BLTP1: variants seen among roughly 807,000 people sequenced by gnomAD.
BLTP1 encodes bridge-like lipid transfer protein family member 1.
the BLTP1 span, chr4:122,238,216 A>G: frequency 1.2e-6 from 2 of 1,613,496 alleles, no homozygotes; most frequent in Non-Finnish European, 1.7e-6. Context: ...CCTCTTCCTC[A>G]GAAGAGAACA....
At chr4:122,280,454 G>A in the BLTP1 span, among the ~76,000 whole-genome samples, 9 of 152,056 alleles carry the variant, frequency 5.9e-5, no homozygotes, top group East Asian at 1.7e-3. Context: ...TATGTCTGTA[G>A]CCTTTGTTCA....
At chr4:122,353,253 G>T in the BLTP1 span, 2 of 1,517,516 alleles carry the variant, frequency 1.3e-6, no homozygotes, top group Non-Finnish European at 1.8e-6. The surrounding 1 kb of genome is among the most constrained non-coding windows in gnomAD (Gnocchi z 4.3). Flanking sequence ...TTGTTATCAT[G>T]TATCTGACAT....
chr4:122,253,317 ACCAGAGACTAATC>A, the BLTP1 span, among the ~76,000 whole-genome samples: 1 of 152,062 alleles, frequency 6.6e-6, no homozygotes, highest in Non-Finnish European at 1.5e-5. Context: ...TAAATAAGGC[ACCAGAGACTAATC>A]CCAGAGAAGC....
At chr4:122,306,027 C>G in the BLTP1 span, 6 of 1,605,420 alleles carry the variant, frequency 3.7e-6, no homozygotes, top group Non-Finnish European at 5.1e-6. Flanking sequence ...TTATGCACAG[C>G]CTGTGGCCTT....
At chr4:122,269,671 A>T in the BLTP1 span, 1 of 985,162 alleles carries the variant, frequency 1.0e-6, no homozygotes, top group Non-Finnish European at 1.2e-6. Context: ...TGATTGTTGT[A>T]TATTAGTTTG....
the BLTP1 span, among the ~76,000 whole-genome samples, chr4:122,319,459 C>G: frequency 2.6e-5 from 4 of 150,984 alleles, no homozygotes; most frequent in Non-Finnish European, 5.9e-5. Flanking sequence ...TTTTCTTCAA[C>G]TCATGTTCAG....
the BLTP1 span, among the ~76,000 whole-genome samples, chr4:122,294,550 A>G: frequency 6.6e-6 from 1 of 152,220 alleles, no homozygotes; most frequent in Non-Finnish European, 1.5e-5. Context: ...CTGTAAAAAG[A>G]AAAATAAACA....
chr4:122,153,878 T>G, the BLTP1 span: 1 of 487,146 alleles, frequency 2.1e-6, no homozygotes, highest in Non-Finnish European at 2.7e-6. Flanking sequence ...GTTTGGAAAC[T>G]TTAAACAAGG....
the BLTP1 span, chr4:122,351,316 A>G: frequency 1.5e-6 from 1 of 648,498 alleles, no homozygotes; most frequent in Non-Finnish European, 1.9e-6. Flanking sequence ...CACTGTGAAC[A>G]CCTTAGAGCA....
chr4:122,322,728 T>G, the BLTP1 span, among the ~76,000 whole-genome samples: 6 of 152,082 alleles, frequency 3.9e-5, no homozygotes, highest in African/African-American at 7.2e-5. Flanking sequence ...TGTTTGTCAG[T>G]TTTTTCCTCC....
the BLTP1 span, chr4:122,308,288 T>C: frequency 1.0e-6 from 1 of 996,520 alleles, no homozygotes. Context: ...AGGTAGCAAG[T>C]AAGATTGAAT....
At chr4:122,278,213 A>G in the BLTP1 span, among the ~76,000 whole-genome samples, 3 of 152,194 alleles carry the variant, frequency 2.0e-5, no homozygotes, top group African/African-American at 7.2e-5. Context: ...AAGGTCCATC[A>G]AGTTCAAGAC....
At chr4:122,344,078 T>C in the BLTP1 span, 4 of 693,406 alleles carry the variant, frequency 5.8e-6, no homozygotes, top group South Asian at 2.6e-4. Flanking sequence ...AAAAGCTTCT[T>C]ATTAGTAACT....
chr4:122,339,101 T>A, the BLTP1 span: 1 of 1,306,296 alleles, frequency 7.7e-7, no homozygotes, highest in African/African-American at 1.5e-5. Context: ...TCTTTCTGTT[T>A]AAAAAAAATG....
the BLTP1 span, chr4:122,219,243 G>A: frequency 6.6e-7 from 1 of 1,508,258 alleles, no homozygotes; most frequent in Non-Finnish European, 8.9e-7. Context: ...AATATAATAG[G>A]TTAAGGAAAT....
the BLTP1 span, chr4:122,239,676 A>C: frequency 1.2e-6 from 2 of 1,614,026 alleles, no homozygotes. Context: ...CTATGGGGAC[A>C]AGCAGCCTGT....
At chr4:122,237,666 A>AT in the BLTP1 span, 1 of 746,946 alleles carries the variant, frequency 1.3e-6, no homozygotes, top group Non-Finnish European at 1.6e-6. Flanking sequence ...ATGTAGATAT[A>AT]TTTCTAAAAC....
chr4:122,245,078 G>A, the BLTP1 span: 8 of 1,612,090 alleles, frequency 5.0e-6, no homozygotes, highest in Non-Finnish European at 5.1e-6. Flanking sequence ...AATTGTAGAT[G>A]ATCTTCATGC....
the BLTP1 span, among the ~76,000 whole-genome samples, chr4:122,278,895 G>A: frequency 1.3e-5 from 2 of 152,212 alleles, no homozygotes; most frequent in Admixed American, 1.3e-4. Context: ...CTTTCAAAGT[G>A]TTGGGATTAC....
Sources: gnomAD v4.1 joint callset for allele counts (sites outside exome capture counted in the v4.1 genomes callset) on GRCh38, gnomAD v4.1.1 for gene constraint, Gnocchi (gnomAD v3.1) non-coding constraint, MANE v1.5 for transcripts, NCBI Gene and HGNC (gene_info 2026-07-23, HGNC 2026-07-21) for gene names.